The following PINX1 variants were observed in gnomAD, a reference collection of about 807,000 sequenced individuals.
PINX1 encodes PIN2 (TERF1) interacting telomerase inhibitor 1.
Under a neutral mutation model 25.4 loss-of-function variants are expected in PINX1, and 34 were observed. The ratio of observed to expected loss-of-function variants is 1.34; its 90% CI spans 1.02 to 1.78. The LOEUF (loss-of-function observed/expected upper bound fraction) is 1.78. PINX1 is among the 40% of genes most tolerant of loss of function. The pLI is 0.00. For missense variants in PINX1, 592 were observed against 404.9 expected (o/e 1.46, Z -3.97); for synonymous variants, 197 against 147.7 (o/e 1.33, Z -2.42).
chr8:10,835,204 G>A (rs574726490), intron 1 of PINX1, among the ~76,000 whole-genome samples: 14 of 152,266 alleles, frequency 9.2e-5, no homozygotes, highest in South Asian at 4.1e-4. Context: ...CCAAGGATGC[G>A]CTTAAAATAG....
chr8:10,796,488 C>G (rs1011061145), intron 6 of PINX1, among the ~76,000 whole-genome samples: 8 of 152,150 alleles, frequency 5.3e-5, no homozygotes, highest in African/African-American at 1.9e-4. Flanking sequence ...ATGAAGAACT[C>G]TCTATGAGAG....
At chr8:10,826,804 G>A (rs537702414) in intron 4 of PINX1, among the ~76,000 whole-genome samples, 28 of 152,368 alleles carry the variant, frequency 1.8e-4, no homozygotes, top group South Asian at 6.2e-4. Flanking sequence ...AAACTACAGA[G>A]AGAGAGGACA....
At chr8:10,833,719 G>A (rs1798302414) in intron 2 of PINX1, 1 of 155,470 alleles carries the variant, frequency 6.4e-6, no homozygotes, top group Admixed American at 6.8e-5. Context: ...CGACTGGGGT[G>A]CGGGAGGCTG....
chr8:10,796,377 G>T (rs530621601), intron 6 of PINX1, among the ~76,000 whole-genome samples: 1 of 152,088 alleles, frequency 6.6e-6, no homozygotes, highest in Non-Finnish European at 1.5e-5. Flanking sequence ...ACACCCGCAA[G>T]AATCCGATGA....
chr8:10,769,155 C>A (rs1232540557), intron 6 of PINX1, among the ~76,000 whole-genome samples: 3 of 152,158 alleles, frequency 2.0e-5, no homozygotes, highest in Non-Finnish European at 4.4e-5. Flanking sequence ...AATCATCTTG[C>A]CAAATGTGAT....
intron 1 of PINX1, among the ~76,000 whole-genome samples, chr8:10,837,126 C>A (rs911548933): frequency 2.6e-5 from 4 of 152,172 alleles, no homozygotes; most frequent in African/African-American, 9.7e-5. Flanking sequence ...GCTCATTGTG[C>A]CTGTTTATGC....
chr8:10,783,262 C>T (rs755191411), intron 6 of PINX1, among the ~76,000 whole-genome samples: 6 of 152,010 alleles, frequency 3.9e-5, no homozygotes, highest in Non-Finnish European at 7.4e-5. Context: ...TAAAAAAGAA[C>T]CTCTTAACCT....
At chr8:10,784,226 G>A (rs886095852) in intron 6 of PINX1, among the ~76,000 whole-genome samples, 4 of 152,160 alleles carry the variant, frequency 2.6e-5, no homozygotes, top group African/African-American at 4.8e-5. Flanking sequence ...GATCTAAAAC[G>A]AAATGACTGA....
chr8:10,789,847 T>C (rs769166622), intron 6 of PINX1, among the ~76,000 whole-genome samples: 1 of 152,198 alleles, frequency 6.6e-6, no homozygotes, highest in Non-Finnish European at 1.5e-5. Flanking sequence ...GTTTGGATCA[T>C]GGATTTTTCC....
chr8:10,786,359 G>C (rs17152399), intron 6 of PINX1, among the ~76,000 whole-genome samples: 5,606 of 152,268 alleles, frequency 0.037, 354 homozygotes, highest in African/African-American at 0.12. Context: ...ACACCAAGTA[G>C]CGTGGCTGTC....
intron 5 of PINX1, among the ~76,000 whole-genome samples, chr8:10,820,957 C>T (rs772440261): frequency 1.3e-5 from 2 of 152,188 alleles, no homozygotes; most frequent in African/African-American, 4.8e-5. Context: ...AAACACTAAA[C>T]TCTTTAATTT....
At chr8:10,827,117 G>A (rs1204008186) in intron 4 of PINX1, among the ~76,000 whole-genome samples, 1 of 152,158 alleles carries the variant, frequency 6.6e-6, no homozygotes, top group Non-Finnish European at 1.5e-5. Context: ...GAGAACAGGG[G>A]GAAAGACGTT....
chr8:10,822,713 G>C (rs545831552), intron 5 of PINX1, among the ~76,000 whole-genome samples: 1 of 152,190 alleles, frequency 6.6e-6, no homozygotes, highest in East Asian at 1.9e-4. Context: ...CGAGAACTTA[G>C]GAATCAAGAT....
intron 3 of PINX1, 149 bp downstream of exon 3, chr8:10,832,743 G>A (rs981081845): frequency 1.9e-6 from 1 of 521,198 alleles, no homozygotes; most frequent in South Asian, 3.0e-5. Context: ...ATAGTGCCAT[G>A]CATTCAAAGC....
At chr8:10,780,714 A>G (rs1298669369) in intron 6 of PINX1, among the ~76,000 whole-genome samples, 1 of 152,234 alleles carries the variant, frequency 6.6e-6, no homozygotes, top group African/African-American at 2.4e-5. Context: ...GAAAAAGGAC[A>G]CAGATAGATG....
chr8:10,797,064 C>G (rs1424994916), intron 6 of PINX1, among the ~76,000 whole-genome samples: 2 of 152,038 alleles, frequency 1.3e-5, no homozygotes, highest in African/African-American at 4.8e-5. Context: ...TCTCTGTCTC[C>G]CCTACCCAGT....
chr8:10,811,098 G>A (rs554718598), intron 6 of PINX1, among the ~76,000 whole-genome samples: 1 of 152,248 alleles, frequency 6.6e-6, no homozygotes, highest in East Asian at 1.9e-4. Context: ...TTTACCATGT[G>A]CTGGGCACTT....
intron 6 of PINX1, among the ~76,000 whole-genome samples, chr8:10,809,019 C>T (rs916631107): frequency 6.6e-6 from 1 of 152,226 alleles, no homozygotes; most frequent in East Asian, 1.9e-4. Flanking sequence ...CAGAGTCCCT[C>T]AAGCCGAGAG....
At chr8:10,801,389 T>C (rs1802260493) in intron 6 of PINX1, among the ~76,000 whole-genome samples, 1 of 152,236 alleles carries the variant, frequency 6.6e-6, no homozygotes, top group African/African-American at 2.4e-5. Context: ...CTCCAAGTAC[T>C]TTCAATCCAT....
Sources: allele counts gnomAD v4.1 joint callset (sites outside exome capture counted in the v4.1 genomes callset), GRCh38; gene constraint gnomAD v4.1.1; transcripts MANE v1.5; gene names NCBI Gene and HGNC (gene_info 2026-07-23, HGNC 2026-07-21).